Variants in GMCL1 observed in about 807,000 individuals in gnomAD.
GMCL1 encodes the protein germ cell-less 1, spermatogenesis associated, also known as germ cell-less protein-like 1.
GMCL1 carries 54 observed loss-of-function variants against 75.5 expected under a neutral mutation model. That is an observed-to-expected ratio of 0.71 (90% CI 0.57 to 0.90). The LOEUF (loss-of-function observed/expected upper bound fraction) is 0.90. GMCL1 is among the 40% of genes least tolerant of loss of function. The probability of loss-of-function intolerance (pLI) is 0.00; values close to 1 mark genes in which losing one functional copy is unlikely to be tolerated. For missense variants in GMCL1, 537 were observed against 622.7 expected, an observed-to-expected ratio of 0.86 and a Z score of 1.47; for synonymous variants, 210 against 209.6, an observed-to-expected ratio of 1.00 and a Z score of -0.02.
Position 69,829,767 on chromosome 2 carries a change from T to C in GMCL1, c.-126T>C, listed in dbSNP as rs993402395. On this transcript the variant is annotated 5_prime_UTR_variant, in exon 1 of 14. Transcript: ENST00000282570. ...GAGACTGTGGCGTCCGCTGCAACGGTTGGGGCTGCGCGTGAGAAGGTGGCG... is the reference window on the plus strand; with the variant it reads ...GAGACTGTGGCGTCCGCTGCAACGGCTGGGGCTGCGCGTGAGAAGGTGGCG... 37 of 1,085,724 alleles carry C rather than the reference T, an allele frequency of 3.4e-5. No individual in the cohort carries two copies. Among genetic ancestry groups the C allele is most frequent in the South Asian group, 3.3e-5 (2 of 60,150 alleles). The allele number at this position is 1,085,724 out of a possible 1,614,324, so 67.3% of individuals were successfully genotyped here.
chr2:69,837,513 T>C (rs754786008), intron 1 of GMCL1, 34 bp from the exon 2 acceptor site: 6 of 1,397,866 alleles, frequency 4.3e-6, no homozygotes, highest in Non-Finnish European at 5.8e-6. Context: ...TTCAGTTTTA[T>C]ATAAATATGT....
intron 6 of GMCL1, among the ~76,000 whole-genome samples, chr2:69,845,757 T>A (rs1675122303): frequency 6.6e-6 from 1 of 152,230 alleles, no homozygotes. Context: ...ATATTTGTGA[T>A]GGGTCTGAGA....
chr2:69,830,009 G>GA lies in GMCL1; in HGVS notation c.117_118insA (p.Gly40ArgfsTer26). On this transcript the variant is annotated frameshift_variant, in exon 1 of 14. Coordinates refer to ENST00000282570, the MANE Select transcript of GMCL1 (RefSeq NM_178439.5). LOFTEE classifies it high-confidence loss of function. ...GGCCGGACACTGGAGACGATGCGGC[G>GA]GGCCACGGATTCTGTTACTGTGCGG... 6.4e-7 allele frequency: 1 copy of GA among 1,566,488 alleles called. No homozygotes were observed. The highest frequency in any genetic ancestry group is 8.7e-7 in the Non-Finnish European group (1 of 1,155,640).
Position 69,830,049 on chromosome 2 carries a change from A to T in GMCL1, c.157A>T (p.Lys53Ter), listed in dbSNP as rs1194899450. 2 of 1,566,494 alleles carry T rather than the reference A, an allele frequency of 1.3e-6. No individual in the cohort carries two copies. The highest frequency in any genetic ancestry group is 1.7e-6 in the Non-Finnish European group (2 of 1,155,158). ...FCYCAGSHKR[K>*]RSSGSFCYCH... ...TTACTGTGCGGGCAGCCACAAGCGC[A>T]AGCGGAGCAGCGGGTCCTTCTGCTA... The change falls in exon 1 of 14, where the codon AAG (lysine) becomes TAG (stop). Residue 53 changes from lysine to a stop codon, truncating the protein, a stop_gained. Coordinates refer to ENST00000282570, the MANE Select transcript of GMCL1 (RefSeq NM_178439.5). LOFTEE classifies it high-confidence loss of function.
chr2:69,839,439 C>CTTTTTT lies in GMCL1; in HGVS notation c.385-13_385-8dup. 1 of 1,330,828 alleles carries CTTTTTT rather than the reference C, an allele frequency of 7.5e-7. No homozygotes were observed. Among genetic ancestry groups the CTTTTTT allele is most frequent in the Non-Finnish European group, 1.0e-6 (1 of 964,406 alleles). 82.4% of individuals were successfully genotyped at this position (1,330,828 alleles called of 1,614,324 possible). ...ACAGAAAGTACTTGATAATCGTTGA[C>CTTTTTT]TTTTTTTTTTGTTTAAGTCTGGCTA... On this transcript the variant is annotated splice_polypyrimidine_tract_variant and intron_variant, in intron 2 of 13. Coordinates refer to ENST00000282570, the MANE Select transcript of GMCL1 (RefSeq NM_178439.5).
chr2:69,875,735 G>A (rs555375388), intron 13 of GMCL1, among the ~76,000 whole-genome samples: 157 of 148,660 alleles, frequency 1.1e-3, no homozygotes, highest in Non-Finnish European at 1.9e-3. Context: ...TTGTTCTGTC[G>A]CCAGGCTGGA....
At chr2:69,830,498 CGCAGAG>C (rs1462995260) in intron 1 of GMCL1, among the ~76,000 whole-genome samples, 1 of 152,204 alleles carries the variant, frequency 6.6e-6, no homozygotes, top group Non-Finnish European at 1.5e-5. Flanking sequence ...AGTGGGTAGC[CGCAGAG>C]TAAGTTGTTT....
At chr2:69,852,707 A>G (rs1185105137) in intron 8 of GMCL1, among the ~76,000 whole-genome samples, 2 of 151,866 alleles carry the variant, frequency 1.3e-5, no homozygotes, top group Non-Finnish European at 2.9e-5. Flanking sequence ...CCCAGCTAAT[A>G]TTTTGTATTT....
intron 13 of GMCL1, among the ~76,000 whole-genome samples, chr2:69,875,242 TG>T (rs1247025033): frequency 3.3e-5 from 5 of 152,242 alleles, no homozygotes; most frequent in African/African-American, 1.2e-4. Flanking sequence ...TGAAATGTAC[TG>T]GATGTATCAA....
chr2:69,877,379 A>C (rs573742352), intron 13 of GMCL1, among the ~76,000 whole-genome samples: 1 of 152,132 alleles, frequency 6.6e-6, no homozygotes, highest in Non-Finnish European at 1.5e-5. Flanking sequence ...CCCTGCCTCA[A>C]TCTTAACTGT....
chr2:69,845,989 G>GA (rs886704360), intron 6 of GMCL1, among the ~76,000 whole-genome samples: 1 of 151,318 alleles, frequency 6.6e-6, no homozygotes, highest in Non-Finnish European at 1.5e-5. Context: ...AGGAGGTGGG[G>GA]AAGAGGTAAA....
chr2:69,868,006 G>A (rs1173857829), intron 11 of GMCL1, among the ~76,000 whole-genome samples: 1 of 152,132 alleles, frequency 6.6e-6, no homozygotes, highest in East Asian at 1.9e-4. Context: ...CTGTAGCTAT[G>A]CGCTATGCAT....
intron 7 of GMCL1, among the ~76,000 whole-genome samples, chr2:69,849,042 T>C (rs1311592681): frequency 1.3e-5 from 2 of 152,186 alleles, no homozygotes; most frequent in African/African-American, 2.4e-5. Flanking sequence ...AAATTTCTAA[T>C]TAATATACAT....
At chr2:69,830,260 G>A in intron 1 of GMCL1, 108 bp downstream of exon 1, 4 of 1,366,896 alleles carry the variant, frequency 2.9e-6, no homozygotes, top group Admixed American at 2.5e-5. Flanking sequence ...AGCCTATGGA[G>A]AGGGGACGTG....
At chr2:69,834,605 CTCTTT>C (rs1414299424) in intron 1 of GMCL1, among the ~76,000 whole-genome samples, 4 of 152,136 alleles carry the variant, frequency 2.6e-5, no homozygotes, top group Admixed American at 6.5e-5. Context: ...TGGTGTAATT[CTCTTT>C]TCAGGTGACC....
intron 6 of GMCL1, among the ~76,000 whole-genome samples, chr2:69,845,212 C>T (rs1675102944): frequency 6.6e-6 from 1 of 152,236 alleles, no homozygotes; most frequent in South Asian, 2.1e-4. Flanking sequence ...GCGCCGCCTT[C>T]GTCCTCAAGC....
intron 9 of GMCL1, 68 bp downstream of exon 9, chr2:69,855,028 A>G: frequency 1.7e-6 from 2 of 1,203,666 alleles, no homozygotes; most frequent in East Asian, 5.3e-5. Flanking sequence ...GATCATAGAA[A>G]AGAACAAGGA....
chr2:69,876,018 A>G (rs1335375006), intron 13 of GMCL1, among the ~76,000 whole-genome samples: 1 of 152,168 alleles, frequency 6.6e-6, no homozygotes, highest in African/African-American at 2.4e-5. Flanking sequence ...TGCTAATATG[A>G]AATGAATCAT....
At chr2:69,851,592 G>C (rs11887526) in intron 8 of GMCL1, among the ~76,000 whole-genome samples, 3 of 151,778 alleles carry the variant, frequency 2.0e-5, no homozygotes, top group Non-Finnish European at 4.4e-5. Flanking sequence ...CCTGGGCAAC[G>C]AGCAAAACTC....
Sources: allele counts gnomAD v4.1 joint callset (sites outside exome capture counted in the v4.1 genomes callset), GRCh38; gene constraint gnomAD v4.1.1; transcripts MANE v1.5; gene names NCBI Gene and HGNC (gene_info 2026-07-23, HGNC 2026-07-21).